Variants in ACAT2 observed in about 807,000 individuals in gnomAD.
The protein encoded by ACAT2 is acetyl-CoA acetyltransferase 2, also known as acetyl-CoA acetyltransferase, cytosolic.
A neutral mutation model predicts 37.1 loss-of-function variants in ACAT2; 26 were observed. The observed-to-expected ratio is 0.70, with a 90% CI of 0.51 to 0.97. ACAT2 has a LOEUF of 0.97. Among genes scored for constraint, ACAT2 ranks in the 50% least tolerant of loss-of-function variants. The pLI is 0.00. For synonymous variants in ACAT2, 156 were observed against 163.6 expected (o/e 0.95, Z 0.35); for missense variants, 468 against 489.0 (o/e 0.96, Z 0.40).
Position 159,762,701 on chromosome 6 carries a change from C to T in ACAT2, c.56-218C>T, listed in dbSNP as rs564707903. ...AAGGGCTACAGCGGCGTCCCTAGGC[C>T]GTTCTGGAGGTCGCCTGTCCAGCCC... On this transcript the variant is annotated intron_variant, in intron 1 of 8. Coordinates refer to ENST00000367048, the MANE Select transcript of ACAT2 (RefSeq NM_005891.3). The T allele has an allele frequency of 3.3e-6, 5 of 1,516,768 alleles. No individual in the cohort carries two copies. The African/African-American group carries it at 6.9e-5, about 21-fold the overall frequency. 94.0% of individuals were successfully genotyped at this position (1,516,768 alleles called of 1,614,324 possible). A position where few individuals can be genotyped will look rare whatever the true frequency, so the allele number is the denominator to read the frequency against.
In ACAT2 at chr6:159,776,177, T is replaced by C. The variant is rs1780409920; in HGVS notation, c.662T>C (p.Phe221Ser). Reference sequence around the variant, plus strand: ...CTTATTGAAGTTAAAACAGATGAGTTTCCTCGCCATGGGAGCAACATAGAA... The same window carrying C: ...CTTATTGAAGTTAAAACAGATGAGTCTCCTCGCCATGGGAGCAACATAGAA... ...KGLIEVKTDE[F>S]PRHGSNIEAM... The change falls in exon 6 of 9, where the codon TTT becomes TCT. Residue 221 changes from phenylalanine to serine, a missense_variant. Coordinates refer to ENST00000367048, the MANE Select transcript of ACAT2 (RefSeq NM_005891.3). 6.2e-7 allele frequency: 1 copy of C among 1,613,942 alleles called. No individual in the cohort carries two copies. The highest frequency in any genetic ancestry group is 1.3e-5 in the African/African-American group (1 of 74,920).
chr6:159,766,599 C>A (rs572029193), intron 2 of ACAT2, among the ~76,000 whole-genome samples: 2 of 152,158 alleles, frequency 1.3e-5, no homozygotes, highest in Admixed American at 6.5e-5. Flanking sequence ...CAGAGTTTCT[C>A]CATGTTGGTC....
At chr6:159,763,537 TAAAC>T (rs956633189) in intron 2 of ACAT2, among the ~76,000 whole-genome samples, 12 of 149,460 alleles carry the variant, frequency 8.0e-5, no homozygotes, top group African/African-American at 2.9e-4. Flanking sequence ...ACCCCTTCTC[TAAAC>T]AAACAAAAAG....
intron 2 of ACAT2, among the ~76,000 whole-genome samples, chr6:159,763,729 T>C (rs1411564769): frequency 7.6e-6 from 1 of 130,926 alleles, no homozygotes; most frequent in East Asian, 2.5e-4. Flanking sequence ...AAGCTCCGTC[T>C]CCCGGTTTCA....
chr6:159,766,829 T>G (rs868791022), intron 2 of ACAT2, among the ~76,000 whole-genome samples, 176 bp from the exon 3 acceptor site: 5 of 152,024 alleles, frequency 3.3e-5, no homozygotes, highest in Middle Eastern at 3.2e-3. Flanking sequence ...ATTCAAGGGC[T>G]AGACTGTGAC....
intron 2 of ACAT2, 52 bp downstream of exon 2, chr6:159,763,105 A>AACAC (rs112953742): frequency 1.7e-4 from 265 of 1,523,098 alleles, no homozygotes; most frequent in Middle Eastern, 3.7e-4. Context: ...ACAGCCCATA[A>AACAC]ACACACACAC....
chr6:159,762,597 T>C lies in ACAT2; in HGVS notation c.56-322T>C, dbSNP rs1382743183. ...TTCGTCTCCTTCGTGCCGCATGGTTTTCAACGCCCTTGACCCGCCGGTTCC... is the reference window on the plus strand; with the variant it reads ...TTCGTCTCCTTCGTGCCGCATGGTTCTCAACGCCCTTGACCCGCCGGTTCC... On this transcript the variant is annotated intron_variant, in intron 1 of 8. Coordinates refer to ENST00000367048, the MANE Select transcript of ACAT2 (RefSeq NM_005891.3). The C allele has an allele frequency of 2.2e-6, 3 of 1,381,290 alleles. No individual in the cohort carries two copies. The African/African-American group carries it at 4.3e-5, about 20-fold the overall frequency. The allele number at this position is 1,381,290 out of a possible 1,614,324, so 85.6% of individuals were successfully genotyped here.
chr6:159,763,145 C>G, intron 2 of ACAT2, 92 bp downstream of exon 2: 9 of 1,485,382 alleles, frequency 6.1e-6, no homozygotes, highest in Non-Finnish European at 8.1e-6. Context: ...CTCACACACT[C>G]TCTCACTCAC....
At chr6:159,768,403 A>G in intron 3 of ACAT2, 108 bp from the exon 4 acceptor site, 1 of 815,782 alleles carries the variant, frequency 1.2e-6, no homozygotes, top group Non-Finnish European at 2.1e-6. Flanking sequence ...AAGGGCTGCA[A>G]AGGGGCCTAG....
intron 2 of ACAT2, 93 bp downstream of exon 2, chr6:159,763,146 T>A (rs1027870252): frequency 2.0e-6 from 3 of 1,483,440 alleles, no homozygotes; most frequent in Admixed American, 2.2e-5. Context: ...TCACACACTC[T>A]CTCACTCACT....
chr6:159,764,159 C>T (rs1780216130), intron 2 of ACAT2, among the ~76,000 whole-genome samples: 1 of 152,102 alleles, frequency 6.6e-6, no homozygotes, highest in Non-Finnish European at 1.5e-5. Context: ...GAAAGTATGC[C>T]TGCTCCTCCT....
Position 159,762,161 on chromosome 6 carries a change from C to A in ACAT2, c.55+19C>A. 8 of 1,606,790 alleles carry A rather than the reference C, an allele frequency of 5.0e-6. No homozygotes were observed. Among genetic ancestry groups the A allele is most frequent in the Non-Finnish European group, 6.8e-6 (8 of 1,176,230 alleles). On this transcript the variant is annotated intron_variant, in intron 1 of 8. Transcript: ENST00000367048. ...ATCATAGGTGAGTGGCCGGCGGGAG[C>A]CGCGCAGAGTCCGAGGCGCCTGCTG...
At chr6:159,768,762 A>G in intron 4 of ACAT2, 134 bp downstream of exon 4, 1 of 532,108 alleles carries the variant, frequency 1.9e-6, no homozygotes, top group Non-Finnish European at 3.4e-6. Context: ...TCTTTGATTA[A>G]CTGAAGTGAA....
chr6:159,778,303 G>T, intron 8 of ACAT2, 23 bp downstream of exon 8: 2 of 1,507,306 alleles, frequency 1.3e-6, no homozygotes, highest in Non-Finnish European at 1.8e-6. Context: ...AAGTAACCCT[G>T]AGAGCTTACC....
At chr6:159,766,893 G>T in intron 2 of ACAT2, 112 bp from the exon 3 acceptor site, 2 of 1,333,016 alleles carry the variant, frequency 1.5e-6, no homozygotes, top group Non-Finnish European at 1.1e-6. Context: ...TACTTGACCT[G>T]TAGGCTTTCA....
chr6:159,777,488 TTGTC>T (rs754985003), intron 7 of ACAT2, 32 bp downstream of exon 7: 3 of 1,593,176 alleles, frequency 1.9e-6, no homozygotes, highest in Non-Finnish European at 2.6e-6. Context: ...TTTATGAAAT[TTGTC>T]TTCCTGTTAG....
chr6:159,777,652 A>C (rs371735184), intron 7 of ACAT2, among the ~76,000 whole-genome samples, 196 bp downstream of exon 7: 4 of 152,206 alleles, frequency 2.6e-5, no homozygotes, highest in South Asian at 2.1e-4. Context: ...GCAGCCTCAA[A>C]ACTCCTAGGC....
chr6:159,769,887 T>C (rs1219476796), intron 4 of ACAT2, among the ~76,000 whole-genome samples: 6 of 152,178 alleles, frequency 3.9e-5, no homozygotes, highest in Non-Finnish European at 8.8e-5. Context: ...TTTGATCAAA[T>C]ACTAAGCTTG....
Position 159,767,106 on chromosome 6 carries a change from G to T in ACAT2, c.292G>T (p.Ala98Ser). ...CQMICGSGLKAVCLAVQSIGI... is the reference protein window; with the variant it reads ...CQMICGSGLKSVCLAVQSIGI... ...GATGATCTGTGGGTCAGGCCTAAAA[G>T]CTGTGTGCCTTGCAGTCCAGTCAAT... The change falls in exon 3 of 9, where the codon GCT becomes TCT. Residue 98 changes from alanine (A) to serine (S), a missense_variant. Ala to Ser is a moderately conservative substitution (Grantham distance 99). Coordinates refer to ENST00000367048, the MANE Select transcript of ACAT2 (RefSeq NM_005891.3). 1 of 1,614,196 alleles carries T rather than the reference G, an allele frequency of 6.2e-7. No homozygotes were observed. The highest frequency in any genetic ancestry group is 8.5e-7 in the Non-Finnish European group (1 of 1,180,028).
Sources: gnomAD v4.1 joint callset for allele counts (sites outside exome capture counted in the v4.1 genomes callset) on GRCh38, gnomAD v4.1.1 for gene constraint, MANE v1.5 for transcripts, NCBI Gene and HGNC (gene_info 2026-07-23, HGNC 2026-07-21) for gene names.